Variants in ACYP2 observed in about 807,000 individuals in gnomAD.
ACYP2 encodes acylphosphatase 2.
ACYP2 carries 12 observed loss-of-function variants against 11.2 expected under a neutral mutation model. The observed-to-expected ratio is 1.08, with a 90% CI of 0.69 to 1.74. ACYP2 has a LOEUF of 1.74. Among genes scored for constraint, ACYP2 ranks in the 40% most tolerant of loss-of-function variants. The probability of loss-of-function intolerance (pLI) is 0.00; values close to 1 mark genes in which losing one functional copy is unlikely to be tolerated. For missense variants in ACYP2, 134 were observed against 101.9 expected (o/e 1.31, Z -1.35); for synonymous variants, 43 against 32.2 (o/e 1.33, Z -1.13).
At chr2:54,196,367 T>G (rs1558603943) in intron 6 of ACYP2, among the ~76,000 whole-genome samples, 1 of 151,960 alleles carries the variant, frequency 6.6e-6, no homozygotes. Flanking sequence ...CTTAACCTAT[T>G]TTAAGATTTG....
chr2:54,146,028 T>C (rs748087980), intron 6 of ACYP2, among the ~76,000 whole-genome samples: 1 of 152,234 alleles, frequency 6.6e-6, no homozygotes, highest in Non-Finnish European at 1.5e-5. Flanking sequence ...TGCAGAAACA[T>C]AATTCTCTAT....
intron 2 of ACYP2, among the ~76,000 whole-genome samples, chr2:53,980,361 A>AT: frequency 6.6e-6 from 1 of 151,928 alleles, no homozygotes; most frequent in African/African-American, 2.4e-5. Flanking sequence ...TCAAAAAAAA[A>AT]ATTTTTTTTT....
At chr2:53,999,471 A>G (rs901582166) in intron 2 of ACYP2, among the ~76,000 whole-genome samples, 55 of 152,132 alleles carry the variant, frequency 3.6e-4, no homozygotes, top group African/African-American at 9.7e-5. Flanking sequence ...CATGGGCTCT[A>G]TTTTGCAGGT....
intron 5 of ACYP2, among the ~76,000 whole-genome samples, chr2:54,136,770 G>A (rs1681267394): frequency 6.6e-6 from 1 of 152,186 alleles, no homozygotes; most frequent in South Asian, 2.1e-4. Context: ...GAGGTCAGGA[G>A]TTCAAGACCA....
intron 6 of ACYP2, among the ~76,000 whole-genome samples, chr2:54,281,759 A>C (rs1688858238): frequency 6.6e-6 from 1 of 152,334 alleles, no homozygotes; most frequent in East Asian, 1.9e-4. Context: ...TTTTCTAAGG[A>C]GTTAAATACA....
intron 6 of ACYP2, among the ~76,000 whole-genome samples, chr2:54,277,119 C>T (rs1213753742): frequency 6.6e-6 from 1 of 152,106 alleles, no homozygotes; most frequent in Non-Finnish European, 1.5e-5. Context: ...TACCTACATC[C>T]TTGATTATTA....
intron 4 of ACYP2, among the ~76,000 whole-genome samples, chr2:54,104,722 C>G (rs1178685121): frequency 6.6e-6 from 1 of 152,214 alleles, no homozygotes; most frequent in Non-Finnish European, 1.5e-5. Flanking sequence ...TCAACCCTGG[C>G]TAAACAGTAG....
chr2:53,971,677 A>T lies in ACYP2; in HGVS notation c.-37+356A>T, dbSNP rs531311908. ...ACAAGATAATGCTCTTAATTGCTAGATAAGTACAAGAATCCTTAGGAACTC... is the reference window on the plus strand; with the variant it reads ...ACAAGATAATGCTCTTAATTGCTAGTTAAGTACAAGAATCCTTAGGAACTC... On this transcript the variant is annotated intron_variant, in intron 1 of 6. Coordinates refer to ENST00000607452, the MANE Select transcript of ACYP2 (RefSeq NM_001320586.2). 2.0e-4 allele frequency among the ~76,000 whole-genome samples: 31 copies of T among 152,348 alleles called. No homozygotes were observed. The East Asian group carries it at 5.6e-3, about 27-fold the overall frequency.
chr2:54,202,645 T>A (rs1041938924), intron 6 of ACYP2, among the ~76,000 whole-genome samples: 1 of 144,422 alleles, frequency 6.9e-6, no homozygotes, highest in African/African-American at 2.6e-5. Flanking sequence ...TGACCTCAGG[T>A]GATCCATCTG....
At chr2:54,271,611 C>T (rs1323972016) in intron 6 of ACYP2, among the ~76,000 whole-genome samples, 1 of 151,994 alleles carries the variant, frequency 6.6e-6, no homozygotes, top group Non-Finnish European at 1.5e-5. Flanking sequence ...AACCCTAGCC[C>T]CTTATCAGAG....
chr2:54,033,361 C>G (rs886889279), intron 2 of ACYP2, among the ~76,000 whole-genome samples: 2 of 151,822 alleles, frequency 1.3e-5, no homozygotes, highest in Admixed American at 1.3e-4. Flanking sequence ...CCATGCCTAG[C>G]TAATTTTTGT....
chr2:54,036,862 A>G (rs1377683982), intron 2 of ACYP2, among the ~76,000 whole-genome samples: 8 of 152,068 alleles, frequency 5.3e-5, no homozygotes, highest in African/African-American at 2.4e-5. Flanking sequence ...TGGACACCCA[A>G]CTGTGGTGCT....
intron 6 of ACYP2, among the ~76,000 whole-genome samples, chr2:54,239,397 G>C (rs1427268678): frequency 6.6e-6 from 1 of 152,192 alleles, no homozygotes; most frequent in Non-Finnish European, 1.5e-5. Flanking sequence ...CTTAAAAACA[G>C]AAATGGAACT....
intron 2 of ACYP2, among the ~76,000 whole-genome samples, chr2:53,987,777 A>G (rs1041859258): frequency 2.0e-5 from 3 of 152,024 alleles, no homozygotes; most frequent in Non-Finnish European, 2.9e-5. Context: ...CCATTTTTAT[A>G]TCCTCTTTGG....
intron 6 of ACYP2, among the ~76,000 whole-genome samples, chr2:54,292,722 C>A (rs1233858161): frequency 6.6e-6 from 1 of 151,748 alleles, no homozygotes; most frequent in Non-Finnish European, 1.5e-5. Context: ...GTATGTATCT[C>A]TGAATTCTCC....
intron 6 of ACYP2, among the ~76,000 whole-genome samples, chr2:54,213,530 T>C (rs1419680889): frequency 2.0e-5 from 3 of 152,116 alleles, no homozygotes. Flanking sequence ...CTTTCTAATT[T>C]ATTCCCACCA....
chr2:54,205,001 GTAGT>G (rs1384049809), intron 6 of ACYP2, among the ~76,000 whole-genome samples: 1 of 152,062 alleles, frequency 6.6e-6, no homozygotes, highest in Non-Finnish European at 1.5e-5. Flanking sequence ...TTGAGTTTTC[GTAGT>G]TATTCTCCTT....
Position 54,060,135 on chromosome 2 carries a change from A to G in ACYP2, c.277+2775A>G, listed in dbSNP as rs866783336. Reference sequence around the variant, plus strand: ...CAACTCTGGGATATTTTCTTCTTGGATTTATTTGAGGATTTCTTCCCATCA... The same window carrying G: ...CAACTCTGGGATATTTTCTTCTTGGGTTTATTTGAGGATTTCTTCCCATCA... On this transcript the variant is annotated intron_variant, in intron 4 of 6. Coordinates refer to ENST00000607452, the MANE Select transcript of ACYP2 (RefSeq NM_001320586.2). Among the ~76,000 whole-genome samples, 4 of 152,002 alleles carry G rather than the reference A, an allele frequency of 2.6e-5. No homozygotes were observed. The South Asian group carries it at 8.3e-4, about 32-fold the overall frequency.
At chr2:54,245,553 A>G (rs971446595) in intron 6 of ACYP2, among the ~76,000 whole-genome samples, 3 of 152,062 alleles carry the variant, frequency 2.0e-5, no homozygotes, top group East Asian at 1.9e-4. Flanking sequence ...GATAATAGCT[A>G]TCCTAACTGG....
Sources: gnomAD v4.1 joint callset for allele counts (sites outside exome capture counted in the v4.1 genomes callset) on GRCh38, gnomAD v4.1.1 for gene constraint, MANE v1.5 for transcripts, NCBI Gene and HGNC (gene_info 2026-07-23, HGNC 2026-07-21) for gene names.